The following CEP57 variants were observed in gnomAD, a reference collection of about 807,000 sequenced individuals.
CEP57 encodes the protein centrosomal protein 57.
Under a neutral mutation model 68.0 loss-of-function variants are expected in CEP57, and 40 were observed. That is an observed-to-expected ratio of 0.59 (90% CI 0.46 to 0.77). The LOEUF (loss-of-function observed/expected upper bound fraction) is 0.77. CEP57 is among the 30% of genes least tolerant of loss of function. The probability of loss-of-function intolerance (pLI) is 0.00; values close to 1 mark genes in which losing one functional copy is unlikely to be tolerated. For synonymous variants in CEP57, 219 were observed against 198.7 expected (o/e 1.10, Z -0.86); for missense variants, 606 against 580.7 (o/e 1.04, Z -0.45).
At chr11:95,801,842 G>A (rs1000450662) in intron 2 of CEP57, among the ~76,000 whole-genome samples, 5 of 152,020 alleles carry the variant, frequency 3.3e-5, no homozygotes, top group African/African-American at 1.2e-4. Context: ...AGACGGAGAG[G>A]AGAAATAAAC....
At chr11:95,811,465 G>A (rs1258167980) in intron 2 of CEP57, among the ~76,000 whole-genome samples, 1 of 151,032 alleles carries the variant, frequency 6.6e-6, no homozygotes, top group Non-Finnish European at 1.5e-5. Flanking sequence ...AGCATTAGAA[G>A]ATATACCTAA....
chr11:95,797,995 A>C (rs1045082940), intron 1 of CEP57, among the ~76,000 whole-genome samples: 5 of 152,206 alleles, frequency 3.3e-5, no homozygotes, highest in African/African-American at 1.2e-4. Flanking sequence ...CAATATTATA[A>C]AGAATTGAAA....
At chr11:95,820,726 G>T (rs142533936) in intron 6 of CEP57, among the ~76,000 whole-genome samples, 2,588 of 152,124 alleles carry the variant, frequency 0.017, 38 homozygotes, top group South Asian at 0.063. Context: ...AAATAAACTG[G>T]AAGTTAAAAT....
intron 2 of CEP57, among the ~76,000 whole-genome samples, chr11:95,802,737 G>T (rs1861634219): frequency 6.6e-6 from 1 of 152,136 alleles, no homozygotes; most frequent in African/African-American, 2.4e-5. Flanking sequence ...CTTCAACACA[G>T]TGAAAAAAGT....
At position 95,817,652 on chromosome 11, in the gene CEP57, A is replaced by G. The variant is rs1042236070; in HGVS notation, c.505-135A>G. The G allele has an allele frequency of 5.0e-5, 35 of 702,462 alleles. No individual in the cohort carries two copies. The East Asian group carries it at 5.2e-4, about 10-fold the overall frequency. The allele number at this position is 702,462 out of a possible 1,614,324, so 43.5% of individuals were successfully genotyped here. A position where few individuals can be genotyped will look rare whatever the true frequency, so the allele number is the denominator to read the frequency against. ...TATCAGTCATTTATTGATGCCCCCT[A>G]TGGTTTCATCTTAATGTTATTTTCC... On this transcript the variant is annotated intron_variant, in intron 4 of 10. Coordinates refer to ENST00000325542, the MANE Select transcript of CEP57 (RefSeq NM_014679.5).
rs150395731 is a variant in CEP57, at chr11:95,811,118, A to G, written c.203-1814A>G. 7.9e-5 allele frequency among the ~76,000 whole-genome samples: 12 copies of G among 152,330 alleles called. No individual in the cohort carries two copies. In the East Asian group the frequency reaches 2.3e-3, roughly 29 times the overall value. On this transcript the variant is annotated intron_variant, in intron 2 of 10. Coordinates refer to ENST00000325542, the MANE Select transcript of CEP57 (RefSeq NM_014679.5). The stretch of plus-strand genomic sequence containing the variant: ...CCAAAGGATTATAAATCATGCTGCT[A>G]TAAAGACACATACACATGTATGTTT...
intron 4 of CEP57, among the ~76,000 whole-genome samples, chr11:95,816,229 G>A (rs1375815560): frequency 1.3e-5 from 2 of 152,012 alleles, no homozygotes; most frequent in East Asian, 3.9e-4. Context: ...AGCAAGGTGG[G>A]GAAAAGCCCC....
intron 4 of CEP57, among the ~76,000 whole-genome samples, chr11:95,816,110 C>CTGTATG (rs1862285843): frequency 6.6e-6 from 1 of 152,168 alleles, no homozygotes; most frequent in African/African-American, 2.4e-5. Context: ...GTTTAATTGA[C>CTGTATG]TCACAGTTCT....
At chr11:95,794,642 C>A (rs1861258331) in intron 1 of CEP57, among the ~76,000 whole-genome samples, 1 of 151,946 alleles carries the variant, frequency 6.6e-6, no homozygotes, top group African/African-American at 2.4e-5. Flanking sequence ...TAAGACTGTT[C>A]CAGAGACATC....
rs1860992187 is a variant in CEP57, at chr11:95,790,732, T to A, written c.34T>A (p.Ser12Thr). The change falls in exon 1 of 11, where the codon TCT (serine) becomes ACT (threonine). Residue 12 changes from serine to threonine, a missense_variant. By Grantham distance (58) the Ser-to-Thr change is moderately conservative. Transcript: ENST00000325542. ...GGCGTCTGTCTCTGCGGCTTCTGGT[T>A]CTCACTTGTCGGTAAGAAGCAGTTG... ...AAASVSAASG[S>T]HLSNSFAEPS... 1 of 1,614,032 alleles carries A rather than the reference T, an allele frequency of 6.2e-7. No homozygotes were observed. Among genetic ancestry groups the A allele is most frequent in the South Asian group, 1.1e-5 (1 of 91,062 alleles).
intron 2 of CEP57, among the ~76,000 whole-genome samples, chr11:95,803,677 G>GCTA (rs1470368108): frequency 6.6e-6 from 1 of 150,820 alleles, no homozygotes; most frequent in Non-Finnish European, 1.5e-5. Context: ...CTCAAACATG[G>GCTA]CTAGCACTTT....
intron 2 of CEP57, among the ~76,000 whole-genome samples, chr11:95,804,256 C>A (rs1220577693): frequency 6.6e-6 from 1 of 152,110 alleles, no homozygotes; most frequent in East Asian, 1.9e-4. Context: ...AGGCAAATAG[C>A]AGCTTCATGT....
intron 2 of CEP57, among the ~76,000 whole-genome samples, chr11:95,805,823 G>A (rs528154641): frequency 1.3e-5 from 2 of 152,182 alleles, no homozygotes; most frequent in South Asian, 4.1e-4. Context: ...AAGAGTTACA[G>A]TATCTAATAT....
intron 1 of CEP57, among the ~76,000 whole-genome samples, chr11:95,798,064 A>G (rs1348787789): frequency 6.6e-6 from 1 of 152,228 alleles, no homozygotes; most frequent in Non-Finnish European, 1.5e-5. Context: ...TTAAGTTTGG[A>G]AAATGACAAA....
At chr11:95,830,923 T>A (rs1002541312) in intron 10 of CEP57, 103 bp from the exon 11 acceptor site, 12 of 820,382 alleles carry the variant, frequency 1.5e-5, no homozygotes, top group Admixed American at 8.4e-5. Flanking sequence ...TCAGTTAGCA[T>A]GAGAGTTAAC....
Position 95,790,601 on chromosome 11 carries a change from C to A in CEP57, c.-98C>A. On this transcript the variant is annotated 5_prime_UTR_variant, in exon 1 of 11. Coordinates refer to ENST00000325542, the MANE Select transcript of CEP57 (RefSeq NM_014679.5). The stretch of plus-strand genomic sequence containing the variant: ...TGCCCTTTTCCATCAGGGGTTCAGC[C>A]TAGGGTCCCCGCTGGTGGGCGGCTC... The A allele has an allele frequency of 6.8e-7, 1 of 1,461,110 alleles. No individual in the cohort carries two copies. Among genetic ancestry groups the A allele is most frequent in the Non-Finnish European group, 9.4e-7 (1 of 1,062,130 alleles). 90.5% of individuals were successfully genotyped at this position (1,461,110 alleles called of 1,614,324 possible).
Position 95,799,869 on chromosome 11 carries a change from C to T in CEP57, c.202+481C>T, listed in dbSNP as rs534088355. On this transcript the variant is annotated intron_variant, in intron 2 of 10. Coordinates refer to ENST00000325542, the MANE Select transcript of CEP57 (RefSeq NM_014679.5). ...TCCCACAAAATTAAAGCTTTAGCATCTCTTCATAGCTTACATAATAAATTC... is the reference window on the plus strand; with the variant it reads ...TCCCACAAAATTAAAGCTTTAGCATTTCTTCATAGCTTACATAATAAATTC... 2.0e-5 allele frequency among the ~76,000 whole-genome samples: 3 copies of T among 152,294 alleles called. No individual in the cohort carries two copies. The East Asian group carries it at 5.8e-4, about 29-fold the overall frequency.
intron 8 of CEP57, chr11:95,827,282 TAC>T (rs1862784020): frequency 6.2e-6 from 1 of 161,636 alleles, no homozygotes; most frequent in Non-Finnish European, 1.4e-5. Context: ...CACCTGGATG[TAC>T]ACTGTTTAAT....
At chr11:95,823,045 C>T (rs1372644890) in intron 8 of CEP57, 2 of 195,832 alleles carry the variant, frequency 1.0e-5, no homozygotes, top group Non-Finnish European at 2.1e-5. Flanking sequence ...GTTTCTTCAG[C>T]ACTTGAATGT....
Sources: gnomAD v4.1 joint callset for allele counts (sites outside exome capture counted in the v4.1 genomes callset) on GRCh38, gnomAD v4.1.1 for gene constraint, MANE v1.5 for transcripts, NCBI Gene and HGNC (gene_info 2026-07-23, HGNC 2026-07-21) for gene names.